The following TFEC variants were observed in gnomAD, a reference collection of about 807,000 sequenced individuals.
TFEC encodes class E basic helix-loop-helix protein 34.
TFEC carries 31 observed loss-of-function variants against 41.6 expected under a neutral mutation model. That is an observed-to-expected ratio of 0.74 (90% confidence interval 0.56 to 1.01). TFEC has a LOEUF of 1.01. Among genes scored for constraint, TFEC ranks in the 50% least tolerant of loss-of-function variants. TFEC has a pLI of 0.00. For missense variants in TFEC, 402 were observed against 404.1 expected, an observed-to-expected ratio of 0.99 and a Z score of 0.04; for synonymous variants, 143 against 140.6, an observed-to-expected ratio of 1.02 and a Z score of -0.12.
chr7:116,151,603 TTTTTGG>T (rs1379653148), intron 1 of TFEC, among the ~76,000 whole-genome samples: 1 of 152,146 alleles, frequency 6.6e-6, no homozygotes, highest in Admixed American at 6.6e-5. Context: ...TAGGGTTTGT[TTTTTGG>T]TTTTGGTTTT....
intron 1 of TFEC, among the ~76,000 whole-genome samples, chr7:116,122,730 A>G (rs910138851): frequency 1.3e-5 from 2 of 152,134 alleles, no homozygotes; most frequent in African/African-American, 2.4e-5. Flanking sequence ...TAGGGCAAGT[A>G]GAAGCAATGA....
chr7:116,071,009 C>T (rs1333357878), intron 3 of TFEC, among the ~76,000 whole-genome samples: 1 of 151,220 alleles, frequency 6.6e-6, no homozygotes, highest in African/African-American at 2.4e-5. Flanking sequence ...ACCATCTGTG[C>T]TCTCTGCAGA....
At chr7:115,987,862 C>T (rs1379173549) in intron 1 of TFEC, among the ~76,000 whole-genome samples, 1 of 152,008 alleles carries the variant, frequency 6.6e-6, no homozygotes, top group Admixed American at 6.6e-5. Context: ...CACTAGAAGA[C>T]CATATAAACC....
At chr7:116,031,514 T>G (rs1795781905), upstream of TFEC, among the ~76,000 whole-genome samples, 1 of 152,164 alleles carries the variant, frequency 6.6e-6, no homozygotes, top group South Asian at 2.1e-4. Context: ...GTTCCCACCC[T>G]GTAATTCACA....
At chr7:116,089,209 T>C (rs2131082797) in intron 3 of TFEC, among the ~76,000 whole-genome samples, 1 of 152,238 alleles carries the variant, frequency 6.6e-6, no homozygotes, top group Non-Finnish European at 1.5e-5. Flanking sequence ...GAATAGTGAG[T>C]ATCATATGTC....
chr7:116,115,032 G>A (rs1797948705), intron 1 of TFEC, among the ~76,000 whole-genome samples: 1 of 151,968 alleles, frequency 6.6e-6, no homozygotes, highest in African/African-American at 2.4e-5. Flanking sequence ...TAGATCTAAT[G>A]TCAGTAGTGT....
At chr7:115,991,631 C>T (rs1028063744) in intron 1 of TFEC, among the ~76,000 whole-genome samples, 1 of 152,102 alleles carries the variant, frequency 6.6e-6, no homozygotes, top group Non-Finnish European at 1.5e-5. Context: ...ACAAAGAAGG[C>T]CATTACATAA....
intron 1 of TFEC, among the ~76,000 whole-genome samples, chr7:116,149,331 AACAAGTT>A (rs1297845920): frequency 6.6e-6 from 1 of 152,158 alleles, no homozygotes; most frequent in African/African-American, 2.4e-5. Context: ...AGATATTAAA[AACAAGTT>A]TACACCAATA....
chr7:115,993,295 A>T (rs1415535404), intron 1 of TFEC, among the ~76,000 whole-genome samples: 2 of 152,246 alleles, frequency 1.3e-5, no homozygotes, highest in Non-Finnish European at 2.9e-5. Flanking sequence ...GAAAACTGGC[A>T]CAAGACAGAG....
intron 3 of TFEC, among the ~76,000 whole-genome samples, chr7:115,969,510 G>A (rs1381003654): frequency 1.3e-5 from 2 of 151,906 alleles, no homozygotes; most frequent in African/African-American, 4.8e-5. Flanking sequence ...AGCAAAGGAA[G>A]TGCAATGGTT....
At chr7:115,947,319 T>C (rs1038940113) in intron 6 of TFEC, among the ~76,000 whole-genome samples, 6 of 151,680 alleles carry the variant, frequency 4.0e-5, no homozygotes, top group South Asian at 2.2e-4. Context: ...CAGTCTATCA[T>C]TGCTGGACAT....
At chr7:115,991,702 C>G (rs938161096) in intron 1 of TFEC, among the ~76,000 whole-genome samples, 1 of 152,158 alleles carries the variant, frequency 6.6e-6, no homozygotes, top group East Asian at 1.9e-4. Flanking sequence ...GCACCCAATA[C>G]AAGAGCACCC....
exon 1 of TFEC, chr7:116,159,837 T>A (rs532844780): frequency 6.6e-6 from 1 of 152,148 alleles, no homozygotes; most frequent in Admixed American, 6.6e-5. Context: ...AATCTCTCCA[T>A]TTGTTTTGTA....
intron 1 of TFEC, among the ~76,000 whole-genome samples, chr7:115,985,577 A>AT (rs1735908187): frequency 6.6e-6 from 1 of 152,144 alleles, no homozygotes; most frequent in Non-Finnish European, 1.5e-5. Flanking sequence ...GCCCAGATAA[A>AT]TAGCCTCTAC....
intron 4 of TFEC, among the ~76,000 whole-genome samples, chr7:115,956,092 TG>T (rs1426209491): frequency 6.6e-6 from 1 of 152,048 alleles, no homozygotes; most frequent in Non-Finnish European, 1.5e-5. Context: ...CCTTTGACCC[TG>T]GGTTGATTTC....
At chr7:115,988,965 G>C (rs1290971788) in intron 1 of TFEC, among the ~76,000 whole-genome samples, 1 of 152,138 alleles carries the variant, frequency 6.6e-6, no homozygotes, top group East Asian at 1.9e-4. Flanking sequence ...TTAAGGGATT[G>C]AGGGGGAAAA....
At chr7:116,151,230 T>C (rs1798754063) in intron 1 of TFEC, among the ~76,000 whole-genome samples, 2 of 150,820 alleles carry the variant, frequency 1.3e-5, no homozygotes, top group South Asian at 4.2e-4. Flanking sequence ...CCTTTGATAT[T>C]ATGTCAGATT....
chr7:116,046,862 T>C (rs886902955), intron 3 of TFEC, among the ~76,000 whole-genome samples: 1 of 152,194 alleles, frequency 6.6e-6, no homozygotes, highest in Non-Finnish European at 1.5e-5. Flanking sequence ...TGATAAATGA[T>C]TCCCATATTC....
At position 116,136,072 on chromosome 7, in the gene TFEC, C is replaced by G. The variant is rs527789267; in HGVS notation, c.-69+23718G>C. Among the ~76,000 whole-genome samples the G allele has an allele frequency of 1.1e-4, 17 of 152,068 alleles. 1 individual carries two copies. Among genetic ancestry groups the G allele is most frequent in the Admixed American group, 1.1e-3 (17 of 15,268 alleles). ...CTACACTTTCTTTGGTTCAATTACA[C>G]CAATCCTTTCTATATGTTTCTCTAT... is the stretch of plus-strand genomic sequence containing the variant. On this transcript the variant is annotated intron_variant, in intron 1 of 8. Coordinates refer to the TFEC transcript ENST00000484212.
Sources: gnomAD v4.1 joint callset for allele counts (sites outside exome capture counted in the v4.1 genomes callset) on GRCh38, gnomAD v4.1.1 for gene constraint, MANE v1.5 for transcripts, NCBI Gene and HGNC (gene_info 2026-07-23, HGNC 2026-07-21) for gene names.